Variants in NRG1 observed in about 807,000 individuals in gnomAD.
The protein encoded by NRG1 is pro-neuregulin-1, membrane-bound isoform.
A neutral mutation model predicts 63.8 loss-of-function variants in NRG1; 18 were observed. The observed-to-expected ratio is 0.28, with a 90% confidence interval of 0.19 to 0.42. The LOEUF (loss-of-function observed/expected upper bound fraction) is 0.42. Ranked by LOEUF, NRG1 falls within the 10% of genes least tolerant of loss-of-function variation. The pLI, the probability that NRG1 is intolerant of heterozygous loss-of-function variation, is 1.00. For missense variants in NRG1, 762 were observed against 814.7 expected (o/e 0.94, Z 0.79); for synonymous variants, 302 against 301.3 (o/e 1.00, Z -0.02).
intron 1 of NRG1, among the ~76,000 whole-genome samples, chr8:31,956,538 G>A (rs1421623176): frequency 6.6e-6 from 1 of 152,102 alleles, no homozygotes; most frequent in African/African-American, 2.4e-5. Flanking sequence ...GCACGGGAAT[G>A]GTGTGAACCC....
intron 1 of NRG1, among the ~76,000 whole-genome samples, chr8:31,836,910 T>A (rs1328173765): frequency 6.6e-6 from 1 of 152,062 alleles, no homozygotes; most frequent in African/African-American, 2.4e-5. Context: ...CAATCTGTAA[T>A]CTCTATGCCT....
At chr8:32,316,910 AG>A (rs758349284) in intron 1 of NRG1, among the ~76,000 whole-genome samples, 1 of 152,176 alleles carries the variant, frequency 6.6e-6, no homozygotes, top group Non-Finnish European at 1.5e-5. Flanking sequence ...GTGGTGGAAT[AG>A]GTACTTTCAG....
At chr8:32,436,077 A>G (rs1227413157) in intron 1 of NRG1, among the ~76,000 whole-genome samples, 1 of 152,210 alleles carries the variant, frequency 6.6e-6, no homozygotes, top group African/African-American at 2.4e-5. Context: ...TGGGTAATTT[A>G]TAAAGAAAAA....
chr8:32,147,626 A>T (rs566323692), intron 1 of NRG1, among the ~76,000 whole-genome samples: 1 of 152,306 alleles, frequency 6.6e-6, no homozygotes, highest in African/African-American at 2.4e-5. Context: ...ATCCACCATG[A>T]TGTCTTTTTC....
intron 1 of NRG1, among the ~76,000 whole-genome samples, chr8:32,474,497 T>G (rs1464974330): frequency 2.9e-5 from 1 of 34,204 alleles, no homozygotes; most frequent in Non-Finnish European, 6.5e-5. Flanking sequence ...GATATTCCCT[T>G]TTTTTTTTTT....
intron 5 of NRG1, among the ~76,000 whole-genome samples, chr8:32,725,648 G>A (rs1419306243): frequency 1.3e-5 from 2 of 150,976 alleles, no homozygotes; most frequent in East Asian, 3.9e-4. Flanking sequence ...GCTAATTTTT[G>A]TATTTTTAGT....
At chr8:31,872,913 C>A (rs981811340) in intron 1 of NRG1, among the ~76,000 whole-genome samples, 6 of 152,280 alleles carry the variant, frequency 3.9e-5, no homozygotes, top group Middle Eastern at 3.4e-3. Context: ...TCTTTGAATT[C>A]TCTCCCTTTC....
At chr8:31,974,663 C>A (rs1807865351) in intron 1 of NRG1, among the ~76,000 whole-genome samples, 1 of 152,182 alleles carries the variant, frequency 6.6e-6, no homozygotes, top group Non-Finnish European at 1.5e-5. Context: ...ACTTCACAGG[C>A]AAGAACCGCA....
intron 1 of NRG1, among the ~76,000 whole-genome samples, chr8:32,118,245 C>G (rs572311520): frequency 2.4e-4 from 37 of 152,154 alleles, no homozygotes; most frequent in African/African-American, 8.7e-4. Flanking sequence ...CATTAATGCC[C>G]TCCCTGGGGT....
intron 1 of NRG1, among the ~76,000 whole-genome samples, chr8:32,175,834 G>A (rs927662879): frequency 1.1e-4 from 17 of 152,260 alleles, no homozygotes; most frequent in African/African-American, 2.9e-4. Context: ...AATAAAAGAC[G>A]ATACAAACAA....
At chr8:32,400,710 G>T (rs974548899) in intron 1 of NRG1, among the ~76,000 whole-genome samples, 1 of 152,184 alleles carries the variant, frequency 6.6e-6, no homozygotes, top group African/African-American at 2.4e-5. Flanking sequence ...CAGTTCAGCC[G>T]TTCTGGAAAG....
chr8:32,012,675 T>C (rs909100836), intron 1 of NRG1, among the ~76,000 whole-genome samples: 3 of 152,134 alleles, frequency 2.0e-5, no homozygotes, highest in African/African-American at 7.2e-5. Context: ...AAGGCTCAGC[T>C]TCCTCAACTG....
At chr8:32,320,429 T>G (rs1001482961) in intron 1 of NRG1, among the ~76,000 whole-genome samples, 3 of 152,164 alleles carry the variant, frequency 2.0e-5, no homozygotes, top group Non-Finnish European at 2.9e-5. Flanking sequence ...GAAAAGAGGT[T>G]TAATTGGCTC....
intron 5 of NRG1, among the ~76,000 whole-genome samples, chr8:32,672,288 C>T (rs200127530): frequency 6.6e-6 from 1 of 152,154 alleles, no homozygotes; most frequent in Non-Finnish European, 1.5e-5. Context: ...TTGTGATCCA[C>T]CCTCCTTGGC....
intron 1 of NRG1, among the ~76,000 whole-genome samples, chr8:32,349,172 A>C (rs974067489): frequency 6.6e-6 from 1 of 152,142 alleles, no homozygotes; most frequent in African/African-American, 2.4e-5. Flanking sequence ...GCATGTTCCT[A>C]GTTATGTGAA....
intron 1 of NRG1, among the ~76,000 whole-genome samples, chr8:32,446,381 A>G (rs1820245695): frequency 6.6e-6 from 1 of 152,194 alleles, no homozygotes; most frequent in Admixed American, 6.5e-5. Context: ...TTGACTAGGC[A>G]CGATGGCTCA....
intron 1 of NRG1, among the ~76,000 whole-genome samples, chr8:31,958,975 A>T (rs1009152291): frequency 1.3e-5 from 2 of 152,156 alleles, no homozygotes; most frequent in Non-Finnish European, 2.9e-5. Context: ...TGCTTCTGCT[A>T]CTTAGCTAAT....
intron 1 of NRG1, among the ~76,000 whole-genome samples, chr8:32,562,697 C>A (rs1318245672): frequency 6.6e-6 from 1 of 151,954 alleles, no homozygotes; most frequent in African/African-American, 2.4e-5. Context: ...AGTGTGTGAG[C>A]CTGTAAAAGT....
chr8:32,478,220 G>A (rs910761787), intron 1 of NRG1, among the ~76,000 whole-genome samples: 7 of 152,110 alleles, frequency 4.6e-5, no homozygotes, highest in African/African-American at 1.7e-4. Flanking sequence ...GGCTAGAATT[G>A]GCCCTTAAGC....
Sources: gnomAD v4.1 joint callset for allele counts (sites outside exome capture counted in the v4.1 genomes callset) on GRCh38, gnomAD v4.1.1 for gene constraint, MANE v1.5 for transcripts, NCBI Gene and HGNC (gene_info 2026-07-23, HGNC 2026-07-21) for gene names.